GLT1D1: variants seen among roughly 807,000 people sequenced by gnomAD.
GLT1D1 encodes glycosyltransferase 1 domain-containing protein 1.
Under a neutral mutation model 28.7 loss-of-function variants are expected in GLT1D1, and 21 were observed. That is an observed-to-expected ratio of 0.73 (90% CI 0.52 to 1.05). The LOEUF (loss-of-function observed/expected upper bound fraction) is 1.05, where lower values mean the gene tolerates loss of function less well. Among genes scored for constraint, GLT1D1 ranks in the 50% least tolerant of loss-of-function variants. The pLI is 0.00. For missense variants in GLT1D1, 343 were observed against 330.6 expected (o/e 1.04, Z -0.29); for synonymous variants, 147 against 124.8 (o/e 1.18, Z -1.19).
chr12:128,869,170 C>T (rs1269358574), intron 1 of GLT1D1, among the ~76,000 whole-genome samples: 4 of 152,128 alleles, frequency 2.6e-5, no homozygotes, highest in Admixed American at 2.0e-4. Context: ...CACCCAGCCT[C>T]GTTTATTTTT....
intron 7 of GLT1D1, among the ~76,000 whole-genome samples, chr12:128,962,320 G>A (rs1156359773): frequency 1.3e-5 from 2 of 152,370 alleles, no homozygotes; most frequent in East Asian, 3.9e-4. Context: ...TAGACACAAT[G>A]TCCAGAGTCT....
At chr12:128,970,068 C>CGCTGCTGTAG (rs1878885421) in intron 7 of GLT1D1, among the ~76,000 whole-genome samples, 1 of 152,200 alleles carries the variant, frequency 6.6e-6, no homozygotes, top group Admixed American at 6.5e-5. Flanking sequence ...ATCAAAACAA[C>CGCTGCTGTAG]GCTGCTGTAG....
intron 4 of GLT1D1, among the ~76,000 whole-genome samples, chr12:128,910,698 A>G (rs552600841): frequency 7.3e-6 from 1 of 136,586 alleles, no homozygotes; most frequent in Non-Finnish European, 1.6e-5. Context: ...TTTTTTTTTC[A>G]TTAAAGTTAA....
chr12:128,965,070 G>A (rs564264934), intron 7 of GLT1D1, among the ~76,000 whole-genome samples: 21 of 152,342 alleles, frequency 1.4e-4, no homozygotes, highest in Middle Eastern at 3.4e-3. Context: ...CCTGGTGTTC[G>A]GCTGTTATGG....
intron 1 of GLT1D1, among the ~76,000 whole-genome samples, chr12:128,867,702 C>T (rs929672741): frequency 2.0e-5 from 3 of 152,124 alleles, no homozygotes; most frequent in African/African-American, 7.2e-5. Context: ...CCAGGGCTGG[C>T]GTTGTTCCAG....
chr12:128,952,138 C>T (rs1386547822), intron 6 of GLT1D1, among the ~76,000 whole-genome samples: 1 of 151,964 alleles, frequency 6.6e-6, no homozygotes, highest in Non-Finnish European at 1.5e-5. Context: ...GAAGCCGTGT[C>T]CTTGTGAGGG....
chr12:128,932,529 C>T (rs1874035189), intron 4 of GLT1D1, among the ~76,000 whole-genome samples: 1 of 152,262 alleles, frequency 6.6e-6, no homozygotes, highest in African/African-American at 2.4e-5. Context: ...TTCTAAAGCA[C>T]CTCTTTCACG....
At chr12:128,871,617 C>T (rs577065806) in intron 1 of GLT1D1, among the ~76,000 whole-genome samples, 25 of 151,588 alleles carry the variant, frequency 1.6e-4, no homozygotes, top group African/African-American at 5.1e-4. Context: ...CAGGGTCAGA[C>T]GATTTGAACC....
intron 1 of GLT1D1, among the ~76,000 whole-genome samples, chr12:128,873,002 C>T (rs1276103725): frequency 6.6e-6 from 1 of 152,092 alleles, no homozygotes; most frequent in African/African-American, 2.4e-5. Flanking sequence ...CTCATCGATC[C>T]TCCCATCTCA....
Position 128,875,919 on chromosome 12 carries a change from A to G in GLT1D1, c.74A>G (p.His25Arg), listed in dbSNP as rs1412538101. Residue 25 changes from histidine to arginine, a missense_variant, in exon 2 of 8, where the codon CAT (histidine) becomes CGT (arginine). His to Arg is a conservative substitution (Grantham distance 29). Coordinates refer to ENST00000281703, the MANE Select transcript of GLT1D1 (RefSeq NM_144669.3). The stretch of plus-strand genomic sequence containing the variant: ...CTCTGTATTTTTTGATAAAGGGCCC[A>G]TCTAGAGGCTGCAGGGCACGTGTGC... The G allele has an allele frequency of 6.2e-7, 1 of 1,613,428 alleles. No individual in the cohort carries two copies.
chr12:128,871,543 CAGAA>C (rs773808478), intron 1 of GLT1D1, among the ~76,000 whole-genome samples: 12 of 152,094 alleles, frequency 7.9e-5, no homozygotes, highest in Non-Finnish European at 1.6e-4. Flanking sequence ...GAAAAAGAAA[CAGAA>C]AGAGAGAGAG....
intron 7 of GLT1D1, among the ~76,000 whole-genome samples, chr12:128,972,330 C>T (rs762828170): frequency 4.6e-5 from 7 of 152,230 alleles, no homozygotes; most frequent in African/African-American, 7.2e-5. Flanking sequence ...TAGGTAGCTG[C>T]GGGAGAGAGA....
At chr12:128,913,306 G>A (rs181245885) in intron 4 of GLT1D1, among the ~76,000 whole-genome samples, 8 of 152,230 alleles carry the variant, frequency 5.3e-5, no homozygotes, top group East Asian at 1.9e-4. Flanking sequence ...GTCAACCTCC[G>A]CCTCCTGGGT....
intron 2 of GLT1D1, among the ~76,000 whole-genome samples, chr12:128,878,290 C>T (rs1956921555): frequency 1.3e-5 from 2 of 152,194 alleles, no homozygotes. Context: ...ACCGCTCAGC[C>T]ACACATCTGG....
At chr12:128,918,861 C>G (rs762280240) in intron 4 of GLT1D1, among the ~76,000 whole-genome samples, 4 of 152,236 alleles carry the variant, frequency 2.6e-5, no homozygotes, top group Non-Finnish European at 5.9e-5. Context: ...TTTCGTTGGT[C>G]TTGCTATTGA....
At position 128,897,207 on chromosome 12, in the gene GLT1D1, C is replaced by T. The variant is rs543256462; in HGVS notation, c.324-2029C>T. Among the ~76,000 whole-genome samples the T allele has an allele frequency of 1.2e-4, 18 of 152,264 alleles. No homozygotes were observed. In the South Asian group the frequency reaches 3.7e-3, roughly 32 times the overall value. On this transcript the variant is annotated intron_variant, in intron 3 of 7. Coordinates refer to ENST00000281703, the MANE Select transcript of GLT1D1 (RefSeq NM_144669.3). ...TCCCTTATATTTGCTCTCACGTGAACATCCCATTTTTCCCATCCCTTTTTG... is the reference window on the plus strand; with the variant it reads ...TCCCTTATATTTGCTCTCACGTGAATATCCCATTTTTCCCATCCCTTTTTG...
At chr12:128,891,613 C>T (rs1277359851) in intron 3 of GLT1D1, among the ~76,000 whole-genome samples, 3 of 152,160 alleles carry the variant, frequency 2.0e-5, no homozygotes, top group Admixed American at 6.6e-5. Flanking sequence ...CTTTATGTAG[C>T]TGGATCACCC....
At chr12:128,914,123 C>T (rs1424558779) in intron 4 of GLT1D1, among the ~76,000 whole-genome samples, 1 of 152,004 alleles carries the variant, frequency 6.6e-6, no homozygotes, top group Non-Finnish European at 1.5e-5. Context: ...TAGACGTTGC[C>T]TCTGAATTTC....
At chr12:128,958,058 C>T (rs7958234) in intron 7 of GLT1D1, among the ~76,000 whole-genome samples, 1,910 of 152,332 alleles carry the variant, frequency 0.013, 39 homozygotes, top group African/African-American at 0.043. Context: ...TGTGTAAATA[C>T]AGAAACACGT....
Sources: gnomAD v4.1 joint callset for allele counts (sites outside exome capture counted in the v4.1 genomes callset) on GRCh38, gnomAD v4.1.1 for gene constraint, MANE v1.5 for transcripts, NCBI Gene and HGNC (gene_info 2026-07-23, HGNC 2026-07-21) for gene names.